The following CSTA variants were observed in gnomAD, a reference collection of about 807,000 sequenced individuals.
The protein encoded by CSTA is cystatin-A.
Under a neutral mutation model 9.2 loss-of-function variants are expected in CSTA, and 9 were observed. The observed-to-expected ratio is 0.97, with a 90% CI of 0.59 to 1.70. The LOEUF (loss-of-function observed/expected upper bound fraction) is 1.70, where lower values mean the gene tolerates loss of function less well. CSTA is among the 40% of genes most tolerant of loss of function. The probability of loss-of-function intolerance (pLI) is 0.00; values close to 1 mark genes in which losing one functional copy is unlikely to be tolerated. For synonymous variants in CSTA, 36 were observed against 40.6 expected (o/e 0.89, Z 0.43); for missense variants, 118 against 113.1 (o/e 1.04, Z -0.20).
At position 122,341,867 on chromosome 3, in the gene CSTA, G is replaced by A. The variant is rs759594270; in HGVS notation, c.*300G>A. On this transcript the variant is annotated 3_prime_UTR_variant, in exon 3 of 3. Transcript: ENST00000264474. Reference sequence around the variant, plus strand: ...ACCCCCACCATAGGCAGGCTGGATCGTGGACTATCAATTCACCAGCCTCCT... The same window carrying A: ...ACCCCCACCATAGGCAGGCTGGATCATGGACTATCAATTCACCAGCCTCCT... 34 of 369,840 alleles carry A rather than the reference G, an allele frequency of 9.2e-5. No individual in the cohort carries two copies. Among genetic ancestry groups the A allele is most frequent in the Admixed American group, 5.3e-4 (13 of 24,554 alleles). The allele number at this position is 369,840 out of a possible 1,614,324, so 22.9% of individuals were successfully genotyped here.
chr3:122,328,499 C>CAAAAA (rs34247215), intron 1 of CSTA, among the ~76,000 whole-genome samples: 1 of 86,034 alleles, frequency 1.2e-5, no homozygotes, highest in African/African-American at 4.5e-5. Flanking sequence ...GATTCCATCT[C>CAAAAA]AAAAAAAAAA....
intron 2 of CSTA, among the ~76,000 whole-genome samples, chr3:122,341,041 A>G (rs188100853): frequency 6.6e-6 from 1 of 151,946 alleles, no homozygotes; most frequent in Non-Finnish European, 1.5e-5. Context: ...TCCTGGGTTC[A>G]AGTGATTCTC....
intron 2 of CSTA, among the ~76,000 whole-genome samples, chr3:122,338,499 C>CAAAAAAAA (rs58446448): frequency 1.4e-5 from 2 of 140,168 alleles, no homozygotes; most frequent in Non-Finnish European, 3.1e-5. Context: ...ATTTTTTCAG[C>CAAAAAAAA]AAAAAAAAAA....
intron 1 of CSTA, among the ~76,000 whole-genome samples, chr3:122,330,940 C>T (rs1408450230): frequency 6.6e-6 from 1 of 152,136 alleles, no homozygotes; most frequent in Non-Finnish European, 1.5e-5. Context: ...AATGGCCCAA[C>T]AGCAAAAGCC....
intron 1 of CSTA, among the ~76,000 whole-genome samples, chr3:122,328,985 T>G (rs1417195786): frequency 3.3e-5 from 5 of 150,798 alleles, no homozygotes; most frequent in Non-Finnish European, 7.4e-5. Flanking sequence ...ATTTTTTTTT[T>G]GACGGAATCT....
rs1461938223 is a variant in CSTA, at chr3:122,341,833, A to G, written c.*266A>G. On this transcript the variant is annotated 3_prime_UTR_variant, in exon 3 of 3. Transcript: ENST00000264474. ...CTAATGCAACTGGCTAAAGGATAGT[A>G]CCACCCTCACCCCCACCATAGGCAG... The G allele has an allele frequency of 2.4e-6, 1 of 416,328 alleles. No individual in the cohort carries two copies. Among genetic ancestry groups the G allele is most frequent in the Non-Finnish European group, 4.5e-6 (1 of 224,192 alleles). 25.8% of individuals were successfully genotyped at this position (416,328 alleles called of 1,614,324 possible).
chr3:122,336,416 G>A (rs984602114), intron 1 of CSTA, among the ~76,000 whole-genome samples: 12 of 152,166 alleles, frequency 7.9e-5, no homozygotes, highest in African/African-American at 2.7e-4. Context: ...TAACAAAATA[G>A]AGTAATGAAT....
intron 2 of CSTA, chr3:122,337,947 G>A (rs772003096): frequency 2.2e-5 from 8 of 369,458 alleles, no homozygotes; most frequent in Non-Finnish European, 3.1e-5. Flanking sequence ...GCTTAGGTAA[G>A]GAGGGAGGAT....
intron 1 of CSTA, among the ~76,000 whole-genome samples, chr3:122,326,871 A>G (rs991983048): frequency 3.3e-5 from 5 of 152,124 alleles, no homozygotes; most frequent in African/African-American, 9.7e-5. Context: ...TGCTGCTGCC[A>G]CCCATGGCCT....
Position 122,325,368 on chromosome 3 carries a change from T to C in CSTA, c.66+10T>C, listed in dbSNP as rs368962976. 20 of 1,613,894 alleles carry C rather than the reference T, an allele frequency of 1.2e-5. No homozygotes were observed. In the African/African-American group the frequency reaches 2.5e-4, roughly 20 times the overall value. ...GGAGATTGTTGATAAGGTGAGTTGA[T>C]GCCATTCAGGAAAAAGTCTGAGCCA... On this transcript the variant is annotated intron_variant, in intron 1 of 2. Coordinates refer to ENST00000264474, the MANE Select transcript of CSTA (RefSeq NM_005213.4).
chr3:122,333,053 A>G (rs1289152942), intron 1 of CSTA, among the ~76,000 whole-genome samples: 2 of 152,238 alleles, frequency 1.3e-5, no homozygotes, highest in East Asian at 3.8e-4. Flanking sequence ...TTACAAGTAG[A>G]GTGAACCAGA....
At chr3:122,341,392 A>T in intron 2 of CSTA, 47 bp from the exon 3 acceptor site, 1 of 1,609,688 alleles carries the variant, frequency 6.2e-7, no homozygotes, top group East Asian at 2.2e-5. Flanking sequence ...ATGTAGACCC[A>T]TTTGAATGAA....
chr3:122,341,668 AAATTATTTCTTC>A lies in CSTA; in HGVS notation c.*112_*123del. On this transcript the variant is annotated 3_prime_UTR_variant, in exon 3 of 3. Transcript: ENST00000264474. ...AATAAAGAAGCATTCTTTTCCAAAG[AAATTATTTCTTC>A]AATTATTTCTCATTTATTGTATTAA... The A allele has an allele frequency of 7.9e-6, 11 of 1,400,294 alleles. No homozygotes were observed. The highest frequency in any genetic ancestry group is 9.0e-6 in the Non-Finnish European group (9 of 1,000,704). 86.7% of individuals were successfully genotyped at this position (1,400,294 alleles called of 1,614,324 possible). A position where few individuals can be genotyped will look rare whatever the true frequency, so the allele number is the denominator to read the frequency against.
intron 2 of CSTA, among the ~76,000 whole-genome samples, chr3:122,339,009 A>G (rs1332706651): frequency 6.6e-6 from 1 of 151,978 alleles, no homozygotes; most frequent in Non-Finnish European, 1.5e-5. Context: ...CACCGATCCC[A>G]GTTCCCTTTT....
intron 1 of CSTA, among the ~76,000 whole-genome samples, chr3:122,329,109 G>C (rs1424338951): frequency 6.7e-6 from 1 of 150,056 alleles, no homozygotes; most frequent in Non-Finnish European, 1.5e-5. Flanking sequence ...GGGACTACAG[G>C]CGCCCGCCAC....
intron 2 of CSTA, among the ~76,000 whole-genome samples, chr3:122,338,997 G>A (rs1023530344): frequency 2.6e-5 from 4 of 151,894 alleles, no homozygotes; most frequent in Non-Finnish European, 5.9e-5. Flanking sequence ...CTGGATCTCA[G>A]CCACCGATCC....
chr3:122,331,104 AACAC>A (rs10575257), intron 1 of CSTA, among the ~76,000 whole-genome samples: 24,701 of 140,956 alleles, frequency 0.18, 2,201 homozygotes, highest in East Asian at 0.45. Context: ...GCACACAACA[AACAC>A]ACACACACAC....
At position 122,336,662 on chromosome 3, in the gene CSTA, A is replaced by G. The variant is rs2075238731; in HGVS notation, c.67-885A>G. 2.0e-5 allele frequency among the ~76,000 whole-genome samples: 3 copies of G among 152,084 alleles called. No individual in the cohort carries two copies. In the South Asian group the frequency reaches 6.2e-4, roughly 32 times the overall value. On this transcript the variant is annotated intron_variant, in intron 1 of 2. Coordinates refer to ENST00000264474, the MANE Select transcript of CSTA (RefSeq NM_005213.4). Reference sequence around the variant, plus strand: ...GTATGAAAGTATGGCGAGAAACAAGACTCCTCACAAGACACTTACTAATTA... The same window carrying G: ...GTATGAAAGTATGGCGAGAAACAAGGCTCCTCACAAGACACTTACTAATTA...
chr3:122,336,541 T>A (rs1228731055), intron 1 of CSTA, among the ~76,000 whole-genome samples: 1 of 152,164 alleles, frequency 6.6e-6, no homozygotes, highest in African/African-American at 2.4e-5. Flanking sequence ...TTCCAGATAA[T>A]AAATGCACAA....
Sources: allele counts gnomAD v4.1 joint callset (sites outside exome capture counted in the v4.1 genomes callset), GRCh38; gene constraint gnomAD v4.1.1; transcripts MANE v1.5; gene names NCBI Gene and HGNC (gene_info 2026-07-23, HGNC 2026-07-21).